TENM2: variants seen among roughly 807,000 people sequenced by gnomAD.
TENM2 encodes the protein teneurin transmembrane protein 2.
In TENM2, 52 loss-of-function variants were observed where a neutral mutation model predicts 245.2. The ratio of observed to expected loss-of-function variants is 0.21; its 90% CI spans 0.17 to 0.27. The LOEUF is 0.27. TENM2 is among the 10% of genes least tolerant of loss of function. The pLI is 1.00. For synonymous variants in TENM2, 1,363 were observed against 1,438.9 expected, an observed-to-expected ratio of 0.95 and a Z score of 1.19; for missense variants, 3,046 against 3,666.8, an observed-to-expected ratio of 0.83 and a Z score of 4.37.
the TENM2 span, among the ~76,000 whole-genome samples, chr5:166,990,033 CAAAG>C: frequency 1.3e-5 from 2 of 151,706 alleles, no homozygotes; most frequent in Admixed American, 6.6e-5. Flanking sequence ...TATAAATAGA[CAAAG>C]AAAGCATGTT....
intron 9 of TENM2, among the ~76,000 whole-genome samples, chr5:168,103,308 A>G (rs758747739): frequency 3.3e-5 from 5 of 152,188 alleles, no homozygotes; most frequent in East Asian, 1.9e-4. Flanking sequence ...CCCTATGTCC[A>G]CATTTTAAAT....
At chr5:167,858,745 G>A (rs1198435767) in intron 2 of TENM2, among the ~76,000 whole-genome samples, 63 of 150,906 alleles carry the variant, frequency 4.2e-4, no homozygotes, top group African/African-American at 1.5e-3. Flanking sequence ...GCCGCCGCCC[G>A]ACCGCCGGGA....
chr5:168,087,886 A>T (rs995652553), intron 7 of TENM2, among the ~76,000 whole-genome samples: 1 of 152,134 alleles, frequency 6.6e-6, no homozygotes, highest in Non-Finnish European at 1.5e-5. Flanking sequence ...CAGAGTCAAG[A>T]TCTTCTCCCA....
At chr5:167,638,692 T>C (rs1453384190) in intron 2 of TENM2, among the ~76,000 whole-genome samples, 1 of 152,232 alleles carries the variant, frequency 6.6e-6, no homozygotes, top group Non-Finnish European at 1.5e-5. Context: ...ACATCAGGCA[T>C]CAAGCCTTTT....
Position 167,874,171 on chromosome 5 carries a change from G to T in TENM2, c.503-1815G>T, listed in dbSNP as rs1288060489. ...AGTGTCTCTTTTCTCTGTCCCCACA[G>T]CACCACGTCATTACATGCCGCTATT... On this transcript the variant is annotated intron_variant, in intron 2 of 28. Coordinates refer to ENST00000518659, the Ensembl canonical transcript of TENM2. 3.3e-5 allele frequency among the ~76,000 whole-genome samples: 5 copies of T among 152,232 alleles called. No individual in the cohort carries two copies. In the East Asian group the frequency reaches 9.7e-4, roughly 29 times the overall value.
intron 3 of TENM2, among the ~76,000 whole-genome samples, chr5:167,878,264 G>T (rs1773590779): frequency 6.6e-6 from 1 of 151,938 alleles, no homozygotes; most frequent in African/African-American, 2.4e-5. Context: ...AGTCAAACTT[G>T]TCCATTTTTC....
intron 2 of TENM2, among the ~76,000 whole-genome samples, chr5:167,765,290 G>A (rs1762937792): frequency 6.6e-6 from 1 of 152,164 alleles, no homozygotes; most frequent in Non-Finnish European, 1.5e-5. Context: ...ATGCAGGGAT[G>A]TGTTTCTTTC....
chr5:167,264,066 C>T, the TENM2 span, among the ~76,000 whole-genome samples: 1 of 149,924 alleles, frequency 6.7e-6, no homozygotes, highest in East Asian at 2.0e-4. Context: ...GATCATGCCA[C>T]TGCACTCTAG....
chr5:167,491,350 A>G (rs1043907377), intron 2 of TENM2, among the ~76,000 whole-genome samples: 1 of 152,048 alleles, frequency 6.6e-6, no homozygotes, highest in African/African-American at 2.4e-5. Context: ...ATTTTTTCCT[A>G]TGGGGAAGTC....
At chr5:167,056,172 A>G in the TENM2 span, among the ~76,000 whole-genome samples, 6 of 151,550 alleles carry the variant, frequency 4.0e-5, no homozygotes, top group African/African-American at 7.3e-5. Context: ...TGACTAAGTG[A>G]TTTTTCTTGT....
At position 168,218,022 on chromosome 5, in the gene TENM2, A is replaced by C. The variant is rs1395228362; in HGVS notation, c.4234-103A>C. The C allele has an allele frequency of 1.1e-5, 14 of 1,280,082 alleles. No homozygotes were observed. The highest frequency in any genetic ancestry group is 1.3e-5 in the Non-Finnish European group (12 of 926,182). 79.3% of individuals were successfully genotyped at this position (1,280,082 alleles called of 1,614,324 possible). A position where few individuals can be genotyped will look rare whatever the true frequency, so the allele number is the denominator to read the frequency against. ...ATTTCTAATACAATGTGTTATTAAA[A>C]AGCTGTCTTTTTTCCTAGATATATA... On this transcript the variant is annotated intron_variant, in intron 22 of 28. Transcript: ENST00000518659. This position sits in a 1 kb window ranked among gnomAD's most constrained non-coding sequence, Gnocchi z 5.2.
intron 2 of TENM2, among the ~76,000 whole-genome samples, chr5:167,511,584 ACTT>A (rs1221266529): frequency 6.6e-6 from 1 of 152,236 alleles, no homozygotes; most frequent in East Asian, 1.9e-4. Flanking sequence ...AGAGAAATTT[ACTT>A]CTTATTGAAT....
intron 1 of TENM2, among the ~76,000 whole-genome samples, chr5:167,291,176 G>A (rs1754615144): frequency 6.6e-6 from 1 of 152,032 alleles, no homozygotes. Flanking sequence ...CTCTTTCTCA[G>A]TGGAAATTCC....
intron 2 of TENM2, among the ~76,000 whole-genome samples, chr5:167,440,962 C>G (rs1582054839): frequency 6.6e-6 from 1 of 152,260 alleles, no homozygotes; most frequent in East Asian, 1.9e-4. Context: ...CTTTTCCTGA[C>G]CAGCATATGG....
intron 13 of TENM2, among the ~76,000 whole-genome samples, chr5:168,180,413 C>T (rs1041534736): frequency 6.6e-6 from 1 of 152,198 alleles, no homozygotes; most frequent in Non-Finnish European, 1.5e-5. Flanking sequence ...GCAGATCCTC[C>T]CCTCCCACCT....
At chr5:168,025,091 G>A (rs1457349992) in intron 5 of TENM2, among the ~76,000 whole-genome samples, 1 of 152,120 alleles carries the variant, frequency 6.6e-6, no homozygotes, top group African/African-American at 2.4e-5. Context: ...GTACACACAT[G>A]GAAATTTATT....
At chr5:167,015,357 G>A in the TENM2 span, among the ~76,000 whole-genome samples, 5 of 152,234 alleles carry the variant, frequency 3.3e-5, no homozygotes, top group African/African-American at 1.2e-4. Context: ...TTAAGTAGGG[G>A]CAGTAAAATT....
chr5:167,739,451 G>A (rs1380389751), intron 2 of TENM2, among the ~76,000 whole-genome samples: 1 of 152,100 alleles, frequency 6.6e-6, no homozygotes, highest in Non-Finnish European at 1.5e-5. Context: ...TCCTTAGTGG[G>A]ATTCCAGTTA....
chr5:167,830,061 T>G (rs1254503069), intron 2 of TENM2, among the ~76,000 whole-genome samples: 1 of 152,220 alleles, frequency 6.6e-6, no homozygotes, highest in African/African-American at 2.4e-5. Context: ...TGACTTCACA[T>G]CCTTAATCCA....
Sources: gnomAD v4.1 joint callset for allele counts (sites outside exome capture counted in the v4.1 genomes callset) on GRCh38, gnomAD v4.1.1 for gene constraint, Gnocchi (gnomAD v3.1) non-coding constraint, MANE v1.5 for transcripts, NCBI Gene and HGNC (gene_info 2026-07-23, HGNC 2026-07-21) for gene names.